Variants in NUP205 observed in about 807,000 individuals in gnomAD.
NUP205 encodes nucleoporin 205.
Under a neutral mutation model 253.8 loss-of-function variants are expected in NUP205, and 76 were observed. That is an observed-to-expected ratio of 0.30 (90% CI 0.25 to 0.36). The LOEUF (loss-of-function observed/expected upper bound fraction) is 0.36, where lower values mean the gene tolerates loss of function less well. Among genes scored for constraint, NUP205 ranks in the 10% least tolerant of loss-of-function variants. The pLI is 1.00. For synonymous variants in NUP205, 832 were observed against 850.1 expected, an observed-to-expected ratio of 0.98 and a Z score of 0.37; for missense variants, 2,162 against 2,425.5, an observed-to-expected ratio of 0.89 and a Z score of 2.28.
At chr7:135,638,337 C>G (rs959253071) in intron 37 of NUP205, among the ~76,000 whole-genome samples, 1 of 149,952 alleles carries the variant, frequency 6.7e-6, no homozygotes, top group Admixed American at 6.7e-5. Context: ...ATTGCTTGAA[C>G]CCAAGAGGCA....
At chr7:135,579,274 A>G (rs193090643) in intron 7 of NUP205, among the ~76,000 whole-genome samples, 12 of 151,302 alleles carry the variant, frequency 7.9e-5, no homozygotes, top group Admixed American at 7.9e-4. Context: ...GGCTCACTGC[A>G]ACCTCTGCCC....
chr7:135,643,115 G>A (rs1313660148), intron 38 of NUP205, 77 bp from the exon 39 acceptor site: 5 of 1,409,566 alleles, frequency 3.5e-6, no homozygotes, highest in Non-Finnish European at 3.9e-6. Context: ...GGCATCCCTT[G>A]TTTTAAAACA....
chr7:135,607,307 C>A lies in NUP205; in HGVS notation c.3131C>A (p.Thr1044Lys), dbSNP rs540996642. 1.9e-6 allele frequency: 3 copies of A among 1,614,022 alleles called. No homozygotes were observed. The highest frequency in any genetic ancestry group is 4.5e-5 in the East Asian group (2 of 44,868). The change falls in exon 22 of 43, where the codon ACG (threonine) becomes AAG (lysine). Residue 1044 changes from threonine to lysine, a missense_variant. By Grantham distance (78) the Thr-to-Lys change is moderately conservative. Transcript: ENST00000285968. ...ATTCTAAACATCTTGGAGAAAGGAACGGAAGGGAGAACAGGCCCAGTGGCG... is the reference window on the plus strand; with the variant it reads ...ATTCTAAACATCTTGGAGAAAGGAAAGGAAGGGAGAACAGGCCCAGTGGCG... ...HAILNILEKGTEGRTGPVAVR... is the reference protein window; with the variant it reads ...HAILNILEKGKEGRTGPVAVR...
intron 13 of NUP205, among the ~76,000 whole-genome samples, chr7:135,596,354 G>T (rs1036456799): frequency 6.6e-6 from 1 of 152,338 alleles, no homozygotes; most frequent in African/African-American, 2.4e-5. Flanking sequence ...GCTGAGAGGG[G>T]TTGGCTTACT....
chr7:135,609,647 C>CAAA (rs928689709), intron 22 of NUP205, among the ~76,000 whole-genome samples: 1 of 134,018 alleles, frequency 7.5e-6, no homozygotes, highest in South Asian at 2.4e-4. Flanking sequence ...GACCCCATCT[C>CAAA]AAAAAAAAAA....
chr7:135,626,416 G>GAAA (rs113302711), intron 33 of NUP205, 55 bp downstream of exon 33: 1 of 1,519,364 alleles, frequency 6.6e-7, no homozygotes, highest in Non-Finnish European at 8.9e-7. Context: ...ATTATTAAGG[G>GAAA]AAGAAAAAAT....
chr7:135,600,686 C>A (rs1793947923), intron 15 of NUP205, among the ~76,000 whole-genome samples, 184 bp from the exon 16 acceptor site: 1 of 152,128 alleles, frequency 6.6e-6, no homozygotes, highest in East Asian at 1.9e-4. Context: ...TGAGCCAATT[C>A]ATTATCTTTT....
intron 10 of NUP205, among the ~76,000 whole-genome samples, 155 bp downstream of exon 10, chr7:135,588,147 T>A (rs1276781138): frequency 6.6e-6 from 1 of 152,204 alleles, no homozygotes; most frequent in Non-Finnish European, 1.5e-5. Flanking sequence ...TATTTATTTA[T>A]TTATTTATGT....
chr7:135,571,948 C>T (rs1806008359), intron 2 of NUP205, among the ~76,000 whole-genome samples: 1 of 152,134 alleles, frequency 6.6e-6, no homozygotes, highest in Non-Finnish European at 1.5e-5. Context: ...CTCACTATAG[C>T]CTCAAACTCC....
intron 42 of NUP205, among the ~76,000 whole-genome samples, chr7:135,647,446 T>G (rs1795032537): frequency 6.6e-6 from 1 of 152,246 alleles, no homozygotes; most frequent in Non-Finnish European, 1.5e-5. Flanking sequence ...GTGGCTAGGC[T>G]TGTTTAGGAG....
rs777831893 is a variant in NUP205 at position 135,622,807 on chromosome 7, C to G, written c.4361C>G (p.Ala1454Gly). ...AKKTMWERLT[A>G]PEDVFSKLQR... ...AAAACCATGTGGGAAAGGCTGACAG[C>G]CCCTGAAGATGTATTTAGCAAATTA... Residue 1454 changes from alanine (A) to glycine (G), a missense_variant, in exon 31 of 43, where the codon GCC (alanine) becomes GGC (glycine). Physicochemically the swap from Ala to Gly is moderately conservative, Grantham distance 60 (BLOSUM62 0). This residue lies in a region of NUP205 where 1,144 missense variants were observed against 1,280.9 expected (regional missense o/e 0.89). Transcript: ENST00000285968. 1 of 1,613,868 alleles carries G rather than the reference C, an allele frequency of 6.2e-7. No individual in the cohort carries two copies. The highest frequency in any genetic ancestry group is 8.5e-7 in the Non-Finnish European group (1 of 1,179,944).
chr7:135,617,128 T>C lies in NUP205; in HGVS notation c.3571T>C (p.Phe1191Leu). ...KILNILDSID[F>L]SQEIPEPLQL... ...TCTAAATATTCTTGACTCGATTGACTTCAGTCAGGAGATCCCTGAGCCTTT... is the reference window on the plus strand; with the variant it reads ...TCTAAATATTCTTGACTCGATTGACCTCAGTCAGGAGATCCCTGAGCCTTT... Residue 1191 changes from phenylalanine (F) to leucine (L), a missense_variant, in exon 26 of 43, where the codon TTC (phenylalanine) becomes CTC (leucine). Physicochemically the swap from Phe to Leu is conservative, Grantham distance 22 (BLOSUM62 0). Around this residue, in one of 5 missense-constraint regions of NUP205, gnomAD observed 1,144 missense variants for 1,280.9 expected, o/e 0.89. Transcript: ENST00000285968. 1 of 1,613,458 alleles carries C rather than the reference T, an allele frequency of 6.2e-7. No homozygotes were observed. The highest frequency in any genetic ancestry group is 8.5e-7 in the Non-Finnish European group (1 of 1,179,686).
chr7:135,566,149 C>A (rs1302408008), intron 1 of NUP205, among the ~76,000 whole-genome samples: 1 of 152,038 alleles, frequency 6.6e-6, no homozygotes, highest in African/African-American at 2.4e-5. Flanking sequence ...TGCTGTGTTG[C>A]CCAGGCTGGA....
intron 23 of NUP205, among the ~76,000 whole-genome samples, chr7:135,615,381 G>A (rs1417596619): frequency 1.3e-5 from 2 of 152,122 alleles, no homozygotes; most frequent in Non-Finnish European, 1.5e-5. Context: ...GCAATAGAGT[G>A]AGACCCTGTC....
intron 13 of NUP205, among the ~76,000 whole-genome samples, chr7:135,596,879 C>T (rs1196906773): frequency 6.6e-6 from 1 of 151,382 alleles, no homozygotes; most frequent in African/African-American, 2.4e-5. Context: ...ATTGCTTGAG[C>T]CCAGGAGACG....
intron 37 of NUP205, 100 bp from the exon 38 acceptor site, chr7:135,638,457 A>T: frequency 9.5e-7 from 1 of 1,051,714 alleles, no homozygotes; most frequent in East Asian, 2.5e-5. Flanking sequence ...GAGTCATTTT[A>T]CAAATTGATT....
chr7:135,608,930 A>G (rs955727378), intron 22 of NUP205, among the ~76,000 whole-genome samples: 4 of 151,238 alleles, frequency 2.6e-5, no homozygotes, highest in African/African-American at 9.7e-5. Context: ...GTGGAACCCC[A>G]TCTCTACTAA....
chr7:135,647,438 G>A (rs562348753), intron 42 of NUP205, among the ~76,000 whole-genome samples: 30 of 152,288 alleles, frequency 2.0e-4, no homozygotes, highest in Non-Finnish European at 3.1e-4. Context: ...TTCGTTTTGT[G>A]GCTAGGCTTG....
intron 7 of NUP205, among the ~76,000 whole-genome samples, chr7:135,579,197 A>ATTT (rs11396157): frequency 4.2e-5 from 6 of 144,018 alleles, no homozygotes; most frequent in African/African-American, 1.3e-4. Flanking sequence ...TGTCACATTA[A>ATTT]TTTTTTTTTT....
Sources: gnomAD v4.1 joint callset for allele counts (sites outside exome capture counted in the v4.1 genomes callset) on GRCh38, gnomAD v4.1.1 for gene constraint, gnomAD v4.1.1 regional missense constraint, MANE v1.5 for transcripts, NCBI Gene and HGNC (gene_info 2026-07-23, HGNC 2026-07-21) for gene names.